LAMA2: variants seen among roughly 807,000 people sequenced by gnomAD.
LAMA2 encodes the protein laminin subunit alpha-2.
A neutral mutation model predicts 364.8 loss-of-function variants in LAMA2; 269 were observed. The observed-to-expected ratio is 0.74, with a 90% CI of 0.67 to 0.82. LAMA2 has a LOEUF of 0.82. Among genes scored for constraint, LAMA2 ranks in the 40% least tolerant of loss-of-function variants. The pLI, the probability that LAMA2 is intolerant of heterozygous loss-of-function variation, is 0.00. For missense variants in LAMA2, 3,807 were observed against 3,873.2 expected (o/e 0.98, Z 0.45); for synonymous variants, 1,379 against 1,370.6 (o/e 1.01, Z -0.14).
chr6:129,421,024 G>A (rs1486106314), intron 40 of LAMA2, among the ~76,000 whole-genome samples: 3 of 152,042 alleles, frequency 2.0e-5, no homozygotes, highest in Non-Finnish European at 2.9e-5. Flanking sequence ...GTTTTGTTGG[G>A]TAAATAAATC....
At chr6:129,134,703 C>T (rs1777681306) in intron 4 of LAMA2, among the ~76,000 whole-genome samples, 1 of 152,166 alleles carries the variant, frequency 6.6e-6, no homozygotes, top group Non-Finnish European at 1.5e-5. Context: ...GAACCTAATG[C>T]CACAGCTGCT....
intron 20 of LAMA2, chr6:129,292,867 C>T (rs1261330903): frequency 2.0e-5 from 20 of 985,834 alleles, no homozygotes; most frequent in Non-Finnish European, 2.4e-5. Context: ...CCCGTTGGCT[C>T]TGTGTCACCG....
intron 1 of LAMA2, among the ~76,000 whole-genome samples, chr6:128,885,915 A>G (rs1004114098): frequency 2.6e-5 from 4 of 152,238 alleles, no homozygotes; most frequent in Non-Finnish European, 5.9e-5. Context: ...TGATGCAATC[A>G]AAATGATTCT....
chr6:129,207,416 G>A (rs1782751698), intron 12 of LAMA2, among the ~76,000 whole-genome samples: 1 of 151,998 alleles, frequency 6.6e-6, no homozygotes, highest in South Asian at 2.1e-4. Flanking sequence ...TAGTAAAGAT[G>A]CTTGTAATAT....
At chr6:128,896,774 C>G (rs761569420) in intron 1 of LAMA2, among the ~76,000 whole-genome samples, 1 of 152,130 alleles carries the variant, frequency 6.6e-6, no homozygotes, top group Non-Finnish European at 1.5e-5. Flanking sequence ...AAACATTGCC[C>G]TCACAGGCTA....
chr6:129,245,162 G>A (rs1785664873), intron 12 of LAMA2, among the ~76,000 whole-genome samples: 1 of 152,078 alleles, frequency 6.6e-6, no homozygotes, highest in Non-Finnish European at 1.5e-5. Flanking sequence ...GGAGAAAGAG[G>A]GAAAAGGCCA....
chr6:128,979,268 G>C (rs916995074), intron 1 of LAMA2, among the ~76,000 whole-genome samples: 1 of 152,156 alleles, frequency 6.6e-6, no homozygotes, highest in African/African-American at 2.4e-5. Flanking sequence ...CATATCTCCT[G>C]ATCAGATAAA....
intron 10 of LAMA2, among the ~76,000 whole-genome samples, chr6:129,186,402 T>G (rs2115028453): frequency 6.6e-6 from 1 of 151,824 alleles, no homozygotes; most frequent in Non-Finnish European, 1.5e-5. Flanking sequence ...GGGACTGAAT[T>G]GGATGGTGGT....
intron 1 of LAMA2, among the ~76,000 whole-genome samples, chr6:128,915,317 TTC>T (rs1028114085): frequency 6.6e-6 from 1 of 152,228 alleles, no homozygotes; most frequent in Admixed American, 6.5e-5. Context: ...CATACGAATT[TTC>T]TCTCTTTTAG....
At chr6:129,268,558 G>A (rs1787674059) in intron 16 of LAMA2, among the ~76,000 whole-genome samples, 1 of 151,986 alleles carries the variant, frequency 6.6e-6, no homozygotes, top group Non-Finnish European at 1.5e-5. Context: ...TAGGATGAAA[G>A]CAAATTAGTC....
chr6:129,068,420 T>G (rs1157326140), intron 3 of LAMA2, among the ~76,000 whole-genome samples: 1 of 152,338 alleles, frequency 6.6e-6, no homozygotes, highest in East Asian at 1.9e-4. Flanking sequence ...GCAGATTCAA[T>G]GTCTGGTGAG....
chr6:128,901,713 C>G (rs574480981), intron 1 of LAMA2, among the ~76,000 whole-genome samples: 5 of 152,292 alleles, frequency 3.3e-5, no homozygotes, highest in Admixed American at 1.3e-4. Context: ...ATCTCTCTGA[C>G]AGTTATATTA....
At chr6:129,183,871 A>G (rs1211550335) in intron 10 of LAMA2, among the ~76,000 whole-genome samples, 2 of 151,956 alleles carry the variant, frequency 1.3e-5, no homozygotes, top group Non-Finnish European at 2.9e-5. Context: ...CCATTGCACA[A>G]TAAGAAGATA....
At chr6:129,200,664 T>C (rs1426662885) in intron 12 of LAMA2, among the ~76,000 whole-genome samples, 1 of 152,006 alleles carries the variant, frequency 6.6e-6, no homozygotes, top group Non-Finnish European at 1.5e-5. Context: ...TCTTATCTGA[T>C]ATAAAGAGTT....
chr6:129,287,837 C>T lies in LAMA2; in HGVS notation c.2538-10C>T, dbSNP rs1789384992. On this transcript the variant is annotated splice_polypyrimidine_tract_variant and intron_variant, in intron 18 of 64. Transcript: ENST00000421865. ...CCCCAAAGGCTCACTGATGAAATTT[C>T]TTGCCTTAGGTGTGCAGAAGGCTAT... is the stretch of plus-strand genomic sequence containing the variant. 6.2e-7 allele frequency: 1 copy of T among 1,611,782 alleles called. No homozygotes were observed. The highest frequency in any genetic ancestry group is 1.3e-5 in the African/African-American group (1 of 74,832).
At chr6:128,928,249 T>C (rs1302545396) in intron 1 of LAMA2, among the ~76,000 whole-genome samples, 1 of 152,216 alleles carries the variant, frequency 6.6e-6, no homozygotes, top group Non-Finnish European at 1.5e-5. Context: ...TAATGTCCTG[T>C]GATTTTAGGA....
At position 129,206,733 on chromosome 6, in the gene LAMA2, A is replaced by G. The variant is rs556115446; in HGVS notation, c.1782+13880A>G. Among the ~76,000 whole-genome samples the G allele has an allele frequency of 6.6e-4, 100 of 152,296 alleles. 1 individual carries two copies. The highest frequency in any genetic ancestry group is 2.3e-3 in the African/African-American group (94 of 41,566). Reference sequence around the variant, plus strand: ...TTACTTTTTCTAAAGCTCTCCCTCTATATTAGCTGTGTCTGAGATTGCAGG... The same window carrying G: ...TTACTTTTTCTAAAGCTCTCCCTCTGTATTAGCTGTGTCTGAGATTGCAGG... On this transcript the variant is annotated intron_variant, in intron 12 of 64. Transcript: ENST00000421865.
chr6:129,187,735 G>A (rs149895695), intron 10 of LAMA2, among the ~76,000 whole-genome samples: 3 of 151,736 alleles, frequency 2.0e-5, no homozygotes, highest in Admixed American at 6.6e-5. Flanking sequence ...ATACATACTG[G>A]CTGATCATTC....
chr6:129,140,556 A>T (rs939447827), intron 4 of LAMA2, among the ~76,000 whole-genome samples: 2 of 152,072 alleles, frequency 1.3e-5, no homozygotes, highest in African/African-American at 4.8e-5. Flanking sequence ...TCCTCACAGC[A>T]AGACAGTGGT....
Sources: allele counts gnomAD v4.1 joint callset (sites outside exome capture counted in the v4.1 genomes callset), GRCh38; gene constraint gnomAD v4.1.1; transcripts MANE v1.5; gene names NCBI Gene and HGNC (gene_info 2026-07-23, HGNC 2026-07-21).